RBM18: variants seen among roughly 807,000 people sequenced by gnomAD.
RBM18 encodes probable RNA-binding protein 18.
A neutral mutation model predicts 26.4 loss-of-function variants in RBM18; 18 were observed. That is an observed-to-expected ratio of 0.68 (90% CI 0.47 to 1.01). The LOEUF (loss-of-function observed/expected upper bound fraction) is 1.01. Ranked by LOEUF, RBM18 falls within the 50% of genes least tolerant of loss-of-function variation. The pLI is 0.00. For synonymous variants in RBM18, 74 were observed against 81.1 expected (o/e 0.91, Z 0.47); for missense variants, 180 against 219.2 (o/e 0.82, Z 1.13).
Position 122,264,791 on chromosome 9 carries a change from A to G in RBM18, c.-93T>C, listed in dbSNP as rs1403077817. 2 of 152,222 alleles carry G rather than the reference A, an allele frequency of 1.3e-5. No individual in the cohort carries two copies. Among genetic ancestry groups the G allele is most frequent in the African/African-American group, 4.8e-5 (2 of 41,406 alleles). The allele number at this position is 152,222 out of a possible 1,614,324, so 9.4% of individuals were successfully genotyped here. On this transcript the variant is annotated 5_prime_UTR_variant, in exon 1 of 6. Coordinates refer to ENST00000417201, the MANE Select transcript of RBM18 (RefSeq NM_033117.4). ...ACGCCGCGGTCAGACGGACCTCTAG[A>G]CGCGTCCGCCTCAATGCCGCCAGCT... is the stretch of plus-strand genomic sequence containing the variant.
chr9:122,251,908 T>C lies in RBM18; in HGVS notation c.179A>G (p.Lys60Arg). ...AGGCTGTCCCTCCAAAGCACCTGAC[T>C]TGTGGAAGAGGAAGTCAAACTGCTT... ...KVKQFDFLFH[K>R]SGALEGQPRG... Residue 60 changes from lysine (K) to arginine (R), a missense_variant, in exon 3 of 6, where the codon AAG becomes AGG. This residue lies in a region of RBM18 where 28 missense variants were observed against 59.9 expected (regional missense o/e 0.47). Coordinates refer to ENST00000417201, the MANE Select transcript of RBM18 (RefSeq NM_033117.4). 1 of 1,614,134 alleles carries C rather than the reference T, an allele frequency of 6.2e-7. No homozygotes were observed.
intron 3 of RBM18, among the ~76,000 whole-genome samples, chr9:122,250,132 T>C (rs1588381643): frequency 6.6e-6 from 1 of 150,892 alleles, no homozygotes; most frequent in Non-Finnish European, 1.5e-5. Context: ...CTCAAAATAC[T>C]TGAACAATTA....
intron 2 of RBM18, among the ~76,000 whole-genome samples, chr9:122,259,058 A>G (rs1016274504): frequency 1.3e-5 from 2 of 152,170 alleles, no homozygotes; most frequent in South Asian, 4.1e-4. Context: ...TTATTACTTG[A>G]TGTCTACCTC....
At chr9:122,255,433 A>C (rs1457440479) in intron 2 of RBM18, among the ~76,000 whole-genome samples, 2 of 152,132 alleles carry the variant, frequency 1.3e-5, no homozygotes, top group Non-Finnish European at 2.9e-5. Flanking sequence ...TTTATCCCTG[A>C]AAGTCTGTAC....
chr9:122,247,340 T>C (rs1831520146), intron 4 of RBM18, among the ~76,000 whole-genome samples, 178 bp downstream of exon 4: 1 of 152,036 alleles, frequency 6.6e-6, no homozygotes, highest in South Asian at 2.1e-4. Context: ...ACTTAATCCC[T>C]CCCGAGATGT....
Position 122,238,381 on chromosome 9 carries a change from T to C in RBM18, c.*3503A>G, listed in dbSNP as rs938362225. ...GCGGTAAGTGCTTTTGAGAAAATCG[T>C]GAGGAAAGGATTGGAGAGTGACAGG... On this transcript the variant is annotated 3_prime_UTR_variant, in exon 6 of 6. Transcript: ENST00000417201. 5 of 152,010 alleles carry C rather than the reference T, an allele frequency of 3.3e-5. No individual in the cohort carries two copies. Among genetic ancestry groups the C allele is most frequent in the African/African-American group, 1.2e-4 (5 of 41,358 alleles). 9.4% of individuals were successfully genotyped at this position (152,010 alleles called of 1,614,324 possible). A position where few individuals can be genotyped will look rare whatever the true frequency, so the allele number is the denominator to read the frequency against.
intron 4 of RBM18, 61 bp from the exon 5 acceptor site, chr9:122,245,402 G>A (rs1333188901): frequency 1.4e-5 from 15 of 1,035,764 alleles, no homozygotes; most frequent in Middle Eastern, 2.0e-4. Context: ...TTACTGTAGT[G>A]GATGGGTTCA....
intron 2 of RBM18, among the ~76,000 whole-genome samples, chr9:122,256,939 T>C (rs916243591): frequency 6.6e-6 from 1 of 152,190 alleles, no homozygotes; most frequent in African/African-American, 2.4e-5. Context: ...AATCAGAATA[T>C]AGTGGAAAGA....
rs1040909333 is a variant in RBM18 at position 122,238,970 on chromosome 9, GAA to G, written c.*2912_*2913del. 2 of 152,004 alleles carry G rather than the reference GAA, an allele frequency of 1.3e-5. No individual in the cohort carries two copies. Among genetic ancestry groups the G allele is most frequent in the African/African-American group, 4.8e-5 (2 of 41,378 alleles). 9.4% of individuals were successfully genotyped at this position (152,004 alleles called of 1,614,324 possible). A position where few individuals can be genotyped will look rare whatever the true frequency, so the allele number is the denominator to read the frequency against. On this transcript the variant is annotated 3_prime_UTR_variant, in exon 6 of 6. Transcript: ENST00000417201. Reference sequence around the variant, plus strand: ...TGAAGAACTAGATAGGAGCTGGAGAGAAAAAGAGAAAACAGGGATAAGCATGC... The same window carrying G: ...TGAAGAACTAGATAGGAGCTGGAGAGAAAGAGAAAACAGGGATAAGCATGC...
intron 3 of RBM18, among the ~76,000 whole-genome samples, 155 bp downstream of exon 3, chr9:122,251,692 T>C (rs578023219): frequency 6.6e-6 from 1 of 152,356 alleles, no homozygotes; most frequent in East Asian, 1.9e-4. Context: ...ATTTGTTTAT[T>C]GAGGATCCCT....
In RBM18 at chr9:122,240,718, T is replaced by C. The variant is rs1419226187; in HGVS notation, c.*1166A>G. The C allele has an allele frequency of 1.3e-5, 2 of 152,236 alleles. No homozygotes were observed. Among genetic ancestry groups the C allele is most frequent in the East Asian group, 1.9e-4 (1 of 5,204 alleles). 9.4% of individuals were successfully genotyped at this position (152,236 alleles called of 1,614,324 possible). On this transcript the variant is annotated 3_prime_UTR_variant, in exon 6 of 6. Coordinates refer to ENST00000417201, the MANE Select transcript of RBM18 (RefSeq NM_033117.4). ...GTTGACTTATCTTTCTCTATTGTTA[T>C]ATTCAGGATGCTTAGAGTGACAAAC...
At chr9:122,262,474 C>T (rs1391179161) in intron 1 of RBM18, among the ~76,000 whole-genome samples, 1 of 152,232 alleles carries the variant, frequency 6.6e-6, no homozygotes, top group African/African-American at 2.4e-5. Flanking sequence ...AATGTCTCAT[C>T]TCACAGCCAA....
At chr9:122,250,116 A>T (rs371066275) in intron 3 of RBM18, among the ~76,000 whole-genome samples, 12 of 150,038 alleles carry the variant, frequency 8.0e-5, no homozygotes, top group Admixed American at 2.7e-4. Flanking sequence ...GCATTATTTC[A>T]CTTCCCTCAA....
chr9:122,242,405 C>T (rs1314681071), intron 5 of RBM18, among the ~76,000 whole-genome samples: 1 of 152,108 alleles, frequency 6.6e-6, no homozygotes, highest in African/African-American at 2.4e-5. Context: ...GGTTATATTC[C>T]TTATTTTGCA....
intron 1 of RBM18, among the ~76,000 whole-genome samples, chr9:122,262,131 T>C: frequency 1.4e-5 from 1 of 72,258 alleles, no homozygotes; most frequent in East Asian, 2.8e-4. Flanking sequence ...TTAAAGACAG[T>C]AAAAAAATCA....
At chr9:122,256,406 G>T (rs1220234983) in intron 2 of RBM18, among the ~76,000 whole-genome samples, 1 of 151,990 alleles carries the variant, frequency 6.6e-6, no homozygotes, top group Non-Finnish European at 1.5e-5. Context: ...ATAATACAGC[G>T]GCTACGACTT....
intron 3 of RBM18, 60 bp downstream of exon 3, chr9:122,251,787 G>T: frequency 6.6e-7 from 1 of 1,524,018 alleles, no homozygotes; most frequent in Non-Finnish European, 9.1e-7. Context: ...CAAGAGACAT[G>T]CACAAATAAT....
chr9:122,264,637 C>A (rs555726877), intron 1 of RBM18, 78 bp downstream of exon 1: 2 of 152,400 alleles, frequency 1.3e-5, no homozygotes, highest in African/African-American at 4.8e-5. Context: ...GAGATGCAGT[C>A]CTGCGAGGGC....
In RBM18 at chr9:122,259,983, T is replaced by G. The variant is rs180686865; in HGVS notation, c.113+1397A>C. On this transcript the variant is annotated intron_variant, in intron 2 of 5. Coordinates refer to ENST00000417201, the MANE Select transcript of RBM18 (RefSeq NM_033117.4). Reference sequence around the variant, plus strand: ...TGCTGGGATTATAGGCGTGAGCCACTGTGCCCGGCCTCCCCTTGTCTTTAA... The same window carrying G: ...TGCTGGGATTATAGGCGTGAGCCACGGTGCCCGGCCTCCCCTTGTCTTTAA... Among the ~76,000 whole-genome samples, 108 of 151,958 alleles carry G rather than the reference T, an allele frequency of 7.1e-4. 1 individual carries two copies. In the Middle Eastern group the frequency reaches 0.014, roughly 19 times the overall value.
Sources: allele counts gnomAD v4.1 joint callset (sites outside exome capture counted in the v4.1 genomes callset), GRCh38; gene constraint gnomAD v4.1.1; regional missense constraint gnomAD v4.1.1; transcripts MANE v1.5; gene names NCBI Gene and HGNC (gene_info 2026-07-23, HGNC 2026-07-21).